Variants in NUBPL observed in about 807,000 individuals in gnomAD.
The protein encoded by NUBPL is NUBP iron-sulfur cluster assembly factor, mitochondrial.
Under a neutral mutation model 45.7 loss-of-function variants are expected in NUBPL, and 31 were observed. The ratio of observed to expected loss-of-function variants is 0.68; its 90% CI spans 0.51 to 0.92. The LOEUF (loss-of-function observed/expected upper bound fraction) is 0.92, where lower values mean the gene tolerates loss of function less well. Among genes scored for constraint, NUBPL ranks in the 40% least tolerant of loss-of-function variants. The probability of loss-of-function intolerance (pLI) is 0.00; values close to 1 mark genes in which losing one functional copy is unlikely to be tolerated. For synonymous variants in NUBPL, 144 were observed against 140.9 expected (o/e 1.02, Z -0.15); for missense variants, 401 against 398.7 (o/e 1.01, Z -0.05).
intron 6 of NUBPL, among the ~76,000 whole-genome samples, chr14:31,699,790 T>C (rs1452889715): frequency 2.0e-5 from 3 of 152,240 alleles, no homozygotes; most frequent in Non-Finnish European, 4.4e-5. Flanking sequence ...GTGAAGTTTA[T>C]ATGGAGACCT....
At chr14:31,793,420 C>T (rs896179083) in intron 7 of NUBPL, among the ~76,000 whole-genome samples, 1 of 152,220 alleles carries the variant, frequency 6.6e-6, no homozygotes, top group South Asian at 2.1e-4. Flanking sequence ...ACTTCCCCCT[C>T]TTTGGAAATC....
intron 3 of NUBPL, among the ~76,000 whole-genome samples, chr14:31,580,891 G>A (rs137857977): frequency 2.6e-5 from 4 of 152,218 alleles, no homozygotes; most frequent in African/African-American, 7.2e-5. Flanking sequence ...GTCATGCAAA[G>A]CCTCATAAGC....
chr14:31,820,693 G>T (rs112391032), intron 7 of NUBPL, among the ~76,000 whole-genome samples: 23,923 of 151,652 alleles, frequency 0.16, 5,456 homozygotes, highest in African/African-American at 0.51. Flanking sequence ...GCATGGTGGT[G>T]GGCGCCTGTA....
At chr14:31,855,629 T>G (rs988654644) in intron 10 of NUBPL, among the ~76,000 whole-genome samples, 1 of 152,090 alleles carries the variant, frequency 6.6e-6, no homozygotes, top group African/African-American at 2.4e-5. Flanking sequence ...TAGAGTTTTT[T>G]TTTTTTTTAA....
chr14:31,748,504 T>C (rs547044075), intron 6 of NUBPL, among the ~76,000 whole-genome samples: 1 of 151,928 alleles, frequency 6.6e-6, no homozygotes, highest in South Asian at 2.1e-4. Context: ...ATATTTACAA[T>C]TGTTATATCC....
intron 4 of NUBPL, among the ~76,000 whole-genome samples, chr14:31,644,597 AT>A (rs1338625082): frequency 1.3e-5 from 2 of 152,032 alleles, no homozygotes; most frequent in Non-Finnish European, 2.9e-5. Context: ...ATAATGTTTT[AT>A]GTGGCAATAA....
At chr14:31,611,055 A>G (rs1170518626) in intron 4 of NUBPL, among the ~76,000 whole-genome samples, 2 of 152,222 alleles carry the variant, frequency 1.3e-5, no homozygotes, top group Non-Finnish European at 2.9e-5. Context: ...CTGTTATTCA[A>G]CATAGTACTG....
chr14:31,695,990 G>T (rs777383861), intron 6 of NUBPL, among the ~76,000 whole-genome samples: 37 of 152,186 alleles, frequency 2.4e-4, no homozygotes, highest in Non-Finnish European at 4.6e-4. Context: ...CTTTAAATGG[G>T]TAATTTTATC....
chr14:31,695,345 C>CG lies in NUBPL; in HGVS notation c.513+21771_513+21772insG, dbSNP rs1555329092. 2.9e-5 allele frequency among the ~76,000 whole-genome samples: 4 copies of CG among 140,212 alleles called. No homozygotes were observed. The East Asian group carries it at 8.2e-4, about 29-fold the overall frequency. 92.0% of individuals were successfully genotyped at this position (140,212 alleles called of 152,430 possible). Reference sequence around the variant, plus strand: ...GCAGTTTTTGAGTATTGTAGTGTTCCTTTTTTTTTTTTTTTTAAATGTTGC... The same window carrying CG: ...GCAGTTTTTGAGTATTGTAGTGTTCCGTTTTTTTTTTTTTTTTAAATGTTGC... On this transcript the variant is annotated intron_variant, in intron 6 of 10. Coordinates refer to ENST00000281081, the MANE Select transcript of NUBPL (RefSeq NM_025152.3).
At chr14:31,626,424 G>A (rs960779903) in intron 4 of NUBPL, among the ~76,000 whole-genome samples, 1 of 152,200 alleles carries the variant, frequency 6.6e-6, no homozygotes. Flanking sequence ...ATAGGCATGA[G>A]CCACCGCACC....
At chr14:31,858,849 C>T (rs111229184) in intron 10 of NUBPL, among the ~76,000 whole-genome samples, 43 of 152,230 alleles carry the variant, frequency 2.8e-4, no homozygotes, top group African/African-American at 1.0e-3. Flanking sequence ...TTTGCTGACA[C>T]CAGAATTAGA....
intron 3 of NUBPL, among the ~76,000 whole-genome samples, chr14:31,567,911 AAAGTT>A (rs2033480483): frequency 1.3e-5 from 2 of 152,324 alleles, no homozygotes; most frequent in South Asian, 4.1e-4. Context: ...GATGCATGCC[AAAGTT>A]AAGAACCATG....
chr14:31,726,226 A>G (rs2037921377), intron 6 of NUBPL, among the ~76,000 whole-genome samples: 1 of 152,154 alleles, frequency 6.6e-6, no homozygotes, highest in African/African-American at 2.4e-5. Flanking sequence ...AGTCTTAAGG[A>G]TTATGTCTTA....
intron 6 of NUBPL, among the ~76,000 whole-genome samples, chr14:31,728,489 G>A (rs2037975526): frequency 6.6e-6 from 1 of 152,146 alleles, no homozygotes; most frequent in Non-Finnish European, 1.5e-5. Flanking sequence ...GACGCATTAA[G>A]TATTTTGTTA....
chr14:31,825,094 T>C (rs998999209), intron 7 of NUBPL, among the ~76,000 whole-genome samples: 1 of 152,110 alleles, frequency 6.6e-6, no homozygotes, highest in Non-Finnish European at 1.5e-5. Flanking sequence ...ATTTGCCATC[T>C]CCATCCACTT....
At position 31,585,756 on chromosome 14, in the gene NUBPL, C is replaced by G. The variant is rs560207176; in HGVS notation, c.292-13533C>G. Among the ~76,000 whole-genome samples, 27 of 152,244 alleles carry G rather than the reference C, an allele frequency of 1.8e-4. 1 individual carries two copies. Among genetic ancestry groups the G allele is most frequent in the African/African-American group, 5.8e-4 (24 of 41,536 alleles). Reference sequence around the variant, plus strand: ...CATTCTCATGGTTATGAAGGGTTATCTTGTGGTTTGATTTGCATTTCCTGA... The same window carrying G: ...CATTCTCATGGTTATGAAGGGTTATGTTGTGGTTTGATTTGCATTTCCTGA... On this transcript the variant is annotated intron_variant, in intron 3 of 10. Transcript: ENST00000281081.
At chr14:31,731,405 A>G (rs76893930) in intron 6 of NUBPL, among the ~76,000 whole-genome samples, 1 of 152,218 alleles carries the variant, frequency 6.6e-6, no homozygotes, top group Admixed American at 6.5e-5. Context: ...ATAATTTTTT[A>G]TGCCTCTGGG....
At chr14:31,710,506 C>T (rs544505960) in intron 6 of NUBPL, among the ~76,000 whole-genome samples, 2 of 152,290 alleles carry the variant, frequency 1.3e-5, no homozygotes, top group Admixed American at 6.5e-5. Flanking sequence ...GACGCATTCT[C>T]GAAAACCTGC....
At chr14:31,711,574 G>A (rs35655077) in intron 6 of NUBPL, among the ~76,000 whole-genome samples, 44,835 of 151,864 alleles carry the variant, frequency 0.3, 7,474 homozygotes, top group South Asian at 0.41. Flanking sequence ...TCTTGGTCTC[G>A]CAGACTTCAA....
Sources: gnomAD v4.1 joint callset for allele counts (sites outside exome capture counted in the v4.1 genomes callset) on GRCh38, gnomAD v4.1.1 for gene constraint, MANE v1.5 for transcripts, NCBI Gene and HGNC (gene_info 2026-07-23, HGNC 2026-07-21) for gene names.